CSMD1: variants seen among roughly 807,000 people sequenced by gnomAD.
CSMD1 encodes the protein CUB and sushi domain-containing protein 1.
Under a neutral mutation model 417.5 loss-of-function variants are expected in CSMD1, and 213 were observed. The observed-to-expected ratio is 0.51, with a 90% CI of 0.46 to 0.57. CSMD1 has a LOEUF of 0.57. Among genes scored for constraint, CSMD1 ranks in the 20% least tolerant of loss-of-function variants. The pLI, the probability that CSMD1 is intolerant of heterozygous loss-of-function variation, is 0.00. For synonymous variants in CSMD1, 2,862 were observed against 1,736.8 expected (o/e 1.65, Z -16.11); for missense variants, 6,923 against 4,529.7 (o/e 1.53, Z -15.17).
In CSMD1 at chr8:3,496,909, A is replaced by C. The variant is rs552230866; in HGVS notation, c.1345-3183T>G. ...CTATTTCTTCATAGACCCATTGGAC[A>C]CTCAGGAACATGTTTAATTTCCATG... On this transcript the variant is annotated intron_variant, in intron 10 of 69. Coordinates refer to ENST00000635120, the MANE Select transcript of CSMD1 (RefSeq NM_033225.6). Among the ~76,000 whole-genome samples the C allele has an allele frequency of 1.6e-4, 24 of 152,334 alleles. No homozygotes were observed. The South Asian group carries it at 4.8e-3, about 30-fold the overall frequency.
rs558439632 is a variant in CSMD1 at position 4,689,647 on chromosome 8, A to G, written c.86-52089T>C. Among the ~76,000 whole-genome samples the G allele has an allele frequency of 2.6e-4, 40 of 152,340 alleles. 1 individual carries two copies. Among genetic ancestry groups the G allele is most frequent in the South Asian group, 2.5e-3 (12 of 4,828 alleles). On this transcript the variant is annotated intron_variant, in intron 1 of 69. Coordinates refer to ENST00000635120, the MANE Select transcript of CSMD1 (RefSeq NM_033225.6). ...AGAAAAGGTGTAAGACAAAGACTGTATCTGAGGCACCCAAGTAATCTTTTT... is the reference window on the plus strand; with the variant it reads ...AGAAAAGGTGTAAGACAAAGACTGTGTCTGAGGCACCCAAGTAATCTTTTT...
chr8:4,008,352 C>A (rs1423527390), intron 4 of CSMD1, among the ~76,000 whole-genome samples: 2 of 151,604 alleles, frequency 1.3e-5, no homozygotes, highest in African/African-American at 4.8e-5. Context: ...TCCTTTTATT[C>A]CATGGATACT....
At chr8:3,819,561 C>CACACACAACTT (rs3219854) in intron 5 of CSMD1, among the ~76,000 whole-genome samples, 28 of 149,880 alleles carry the variant, frequency 1.9e-4, no homozygotes, top group African/African-American at 6.9e-4. Context: ...CACACACACA[C>CACACACAACTT]GTATGTATAT....
intron 7 of CSMD1, among the ~76,000 whole-genome samples, chr8:3,684,430 A>G (rs1799834026): frequency 6.7e-6 from 1 of 150,000 alleles, no homozygotes; most frequent in Non-Finnish European, 1.5e-5. Context: ...TTTCATCTGC[A>G]TGACTCATAG....
intron 3 of CSMD1, among the ~76,000 whole-genome samples, chr8:4,327,774 C>G (rs1386597496): frequency 6.6e-6 from 1 of 152,282 alleles, no homozygotes; most frequent in Admixed American, 6.5e-5. Context: ...TTTATTTAAT[C>G]ATAAAACCAA....
chr8:4,833,474 G>A (rs918579427), intron 1 of CSMD1, among the ~76,000 whole-genome samples: 18 of 152,156 alleles, frequency 1.2e-4, no homozygotes, highest in African/African-American at 4.3e-4. Context: ...CAGCATTGGG[G>A]ATTACAATTC....
At chr8:4,657,859 T>C (rs1694012971) in intron 1 of CSMD1, among the ~76,000 whole-genome samples, 2 of 151,814 alleles carry the variant, frequency 1.3e-5, no homozygotes, top group Non-Finnish European at 2.9e-5. Context: ...GAGAATGGCA[T>C]CTGAACAAGC....
chr8:4,940,049 A>G (rs55760048), intron 1 of CSMD1, among the ~76,000 whole-genome samples: 37,035 of 152,046 alleles, frequency 0.24, 4,627 homozygotes, highest in East Asian at 0.38. Flanking sequence ...GTCAGAGAAG[A>G]CAAGAGCTGA....
At chr8:4,411,059 C>G (rs181968525) in intron 3 of CSMD1, among the ~76,000 whole-genome samples, 21 of 152,206 alleles carry the variant, frequency 1.4e-4, no homozygotes, top group African/African-American at 4.8e-4. Flanking sequence ...TGATACCACT[C>G]CACCCGTTTA....
intron 3 of CSMD1, among the ~76,000 whole-genome samples, chr8:4,302,289 G>C (rs968099015): frequency 2.0e-5 from 3 of 152,174 alleles, no homozygotes; most frequent in Non-Finnish European, 2.9e-5. Context: ...GATATCCTTG[G>C]AATGGTTTTC....
intron 3 of CSMD1, among the ~76,000 whole-genome samples, chr8:4,043,809 G>T (rs143106335): frequency 6.6e-6 from 1 of 151,938 alleles, no homozygotes; most frequent in Non-Finnish European, 1.5e-5. Flanking sequence ...AACCTTACAC[G>T]TCTCCAAATG....
At chr8:3,986,335 T>C (rs916124474) in intron 5 of CSMD1, among the ~76,000 whole-genome samples, 2 of 152,164 alleles carry the variant, frequency 1.3e-5, no homozygotes, top group Admixed American at 6.5e-5. Context: ...AGGGTGTTCA[T>C]TGAAATGTAG....
intron 10 of CSMD1, among the ~76,000 whole-genome samples, chr8:3,557,890 GATA>G (rs1308407133): frequency 6.6e-6 from 1 of 152,146 alleles, no homozygotes; most frequent in Non-Finnish European, 1.5e-5. Flanking sequence ...ATTTGGATCA[GATA>G]ATAAGTTATA....
intron 5 of CSMD1, among the ~76,000 whole-genome samples, chr8:3,932,983 G>A (rs1442154276): frequency 6.8e-6 from 1 of 147,380 alleles, no homozygotes; most frequent in African/African-American, 2.5e-5. Flanking sequence ...CTAATATCCT[G>A]AAAAACTTTT....
chr8:4,764,631 T>C (rs1030733654), intron 1 of CSMD1, among the ~76,000 whole-genome samples: 1 of 151,830 alleles, frequency 6.6e-6, no homozygotes, highest in Non-Finnish European at 1.5e-5. Flanking sequence ...CTACTGGATT[T>C]AGATAATTCT....
intron 3 of CSMD1, among the ~76,000 whole-genome samples, chr8:4,082,099 A>T (rs1800167404): frequency 6.6e-6 from 1 of 152,178 alleles, no homozygotes; most frequent in African/African-American, 2.4e-5. Flanking sequence ...CTTATCAAGA[A>T]AAAGAAGAGA....
intron 1 of CSMD1, among the ~76,000 whole-genome samples, chr8:4,682,671 T>C (rs1344617626): frequency 1.3e-5 from 2 of 151,932 alleles, no homozygotes; most frequent in Non-Finnish European, 2.9e-5. Flanking sequence ...CAGATCACAA[T>C]AGTGTACAGC....
chr8:4,363,807 A>C (rs932325187), intron 3 of CSMD1, among the ~76,000 whole-genome samples: 5 of 152,190 alleles, frequency 3.3e-5, no homozygotes, highest in African/African-American at 7.2e-5. Flanking sequence ...TTTCTTTATA[A>C]ATTCATCACA....
At chr8:4,484,271 A>T (rs552054197) in intron 2 of CSMD1, among the ~76,000 whole-genome samples, 1 of 152,178 alleles carries the variant, frequency 6.6e-6, no homozygotes, top group East Asian at 1.9e-4. Context: ...TTCTAGGAAC[A>T]AGGTTTCATT....
Sources: allele counts gnomAD v4.1 joint callset (sites outside exome capture counted in the v4.1 genomes callset), GRCh38; gene constraint gnomAD v4.1.1; transcripts MANE v1.5; gene names NCBI Gene and HGNC (gene_info 2026-07-23, HGNC 2026-07-21).